UGT1A9: variants seen among roughly 807,000 people sequenced by gnomAD.
UGT1A9 encodes the protein UDP glucuronosyltransferase family 1 member A9.
In UGT1A9, 35 loss-of-function variants were observed where a neutral mutation model predicts 45.0. That is an observed-to-expected ratio of 0.78 (90% CI 0.59 to 1.03). UGT1A9 has a LOEUF of 1.03. Among genes scored for constraint, UGT1A9 ranks in the 50% least tolerant of loss-of-function variants. The probability of loss-of-function intolerance (pLI) is 0.00; values close to 1 mark genes in which losing one functional copy is unlikely to be tolerated. For missense variants in UGT1A9, 687 were observed against 666.6 expected (o/e 1.03, Z -0.34); for synonymous variants, 278 against 250.6 (o/e 1.11, Z -1.03).
chr2:233,700,907 G>A (rs985233948), intron 1 of UGT1A9, among the ~76,000 whole-genome samples: 6 of 151,214 alleles, frequency 4.0e-5, no homozygotes, highest in Non-Finnish European at 7.4e-5. Flanking sequence ...GGTGTGTGAC[G>A]TTCCTCTTCC....
At chr2:233,739,813 T>G (rs1439144869) in intron 1 of UGT1A9, among the ~76,000 whole-genome samples, 1 of 151,900 alleles carries the variant, frequency 6.6e-6, no homozygotes, top group Non-Finnish European at 1.5e-5. Context: ...GCATGATTGG[T>G]TTTTAAATGT....
chr2:233,695,308 T>C (rs1203314854), intron 1 of UGT1A9, among the ~76,000 whole-genome samples: 1 of 151,942 alleles, frequency 6.6e-6, no homozygotes, highest in Non-Finnish European at 1.5e-5. Context: ...GCATTTTTAG[T>C]AGAGGCGGGG....
intron 1 of UGT1A9, among the ~76,000 whole-genome samples, chr2:233,686,474 C>T (rs1370676461): frequency 6.6e-6 from 1 of 151,930 alleles, no homozygotes; most frequent in East Asian, 1.9e-4. Flanking sequence ...TTTTTCCTTT[C>T]CTATGAAACT....
At chr2:233,684,330 T>G (rs1255632996) in intron 1 of UGT1A9, among the ~76,000 whole-genome samples, 2 of 152,192 alleles carry the variant, frequency 1.3e-5, no homozygotes, top group Non-Finnish European at 2.9e-5. Context: ...TGTAGGACGC[T>G]AAGAGGATAG....
intron 1 of UGT1A9, among the ~76,000 whole-genome samples, chr2:233,765,833 T>G (rs532731627): frequency 6.6e-6 from 1 of 152,182 alleles, no homozygotes; most frequent in Admixed American, 6.5e-5. Flanking sequence ...ACAGGAAAAC[T>G]TTCCTTGTCC....
At position 233,698,306 on chromosome 2, in the gene UGT1A9, A is replaced by G. The variant is rs1425577629; in HGVS notation, c.855+25517A>G. On this transcript the variant is annotated intron_variant, in intron 1 of 4. Coordinates refer to ENST00000354728, the MANE Select transcript of UGT1A9 (RefSeq NM_021027.3). ...TGAAAAAAAATGTGTCTTTGGACAG[A>G]TGGAAATGTCTGGAACCAGATAGAG... 3.3e-5 allele frequency among the ~76,000 whole-genome samples: 5 copies of G among 152,386 alleles called. No homozygotes were observed. In the East Asian group the frequency reaches 9.6e-4, roughly 29 times the overall value.
rs373771428 is a variant in UGT1A9 at position 233,743,798 on chromosome 2, T to A, written c.856-23236T>A. The A allele has an allele frequency of 5.3e-5, 73 of 1,367,294 alleles. No homozygotes were observed. The East Asian group carries it at 1.4e-3, about 26-fold the overall frequency. 84.7% of individuals were successfully genotyped at this position (1,367,294 alleles called of 1,614,324 possible). A position where few individuals can be genotyped will look rare whatever the true frequency, so the allele number is the denominator to read the frequency against. On this transcript the variant is annotated intron_variant, in intron 1 of 4. Transcript: ENST00000354728. ...CTGCTTGAATCTCCTCTCCGCTTCC[T>A]CCTTGTTCTCAGGGTTTTTGTCGGG...
intron 1 of UGT1A9, among the ~76,000 whole-genome samples, chr2:233,751,100 G>A (rs895970679): frequency 2.6e-5 from 4 of 151,920 alleles, no homozygotes; most frequent in African/African-American, 9.7e-5. Context: ...GGAGGGCTTT[G>A]CCCTGCAAGC....
chr2:233,743,499 G>A (rs1692319680), intron 1 of UGT1A9: 1 of 1,367,148 alleles, frequency 7.3e-7, no homozygotes, highest in African/African-American at 1.5e-5. Context: ...CAGAGAAAAG[G>A]GGTGCAGACG....
chr2:233,695,574 C>T (rs1290586951), intron 1 of UGT1A9, among the ~76,000 whole-genome samples: 3 of 151,864 alleles, frequency 2.0e-5, no homozygotes, highest in Non-Finnish European at 4.4e-5. Context: ...ACCCCCCCTT[C>T]CCTACTTACC....
chr2:233,749,182 C>G (rs1694137335), intron 1 of UGT1A9, among the ~76,000 whole-genome samples: 1 of 151,722 alleles, frequency 6.6e-6, no homozygotes, highest in Admixed American at 6.6e-5. Flanking sequence ...TTCTGTACTT[C>G]TTTTTATTAA....
chr2:233,684,670 C>T (rs1575433301), intron 1 of UGT1A9, among the ~76,000 whole-genome samples: 1 of 151,890 alleles, frequency 6.6e-6, no homozygotes, highest in African/African-American at 2.4e-5. Flanking sequence ...AAGGAATATA[C>T]ATATGATAGG....
At chr2:233,690,776 TACAC>T (rs34459843) in intron 1 of UGT1A9, 316,428 of 1,034,224 alleles carry the variant, frequency 0.31, 30,806 homozygotes, top group South Asian at 0.36. Context: ...CACACACACA[TACAC>T]ACACACACAC....
chr2:233,691,765 G>A (rs1355793466), intron 1 of UGT1A9: 1 of 421,572 alleles, frequency 2.4e-6, no homozygotes, highest in Non-Finnish European at 3.2e-6. Flanking sequence ...TCCTGCTCTA[G>A]GATTCTCACC....
chr2:233,691,318 C>T lies in UGT1A9; in HGVS notation c.855+18529C>T, dbSNP rs28898575. 2.2e-3 allele frequency: 2,162 copies of T among 985,518 alleles called. 49 individuals are homozygous for T. In the African/African-American group the frequency reaches 0.035, roughly 16 times the overall value. The allele number at this position is 985,518 out of a possible 1,614,324, so 61.0% of individuals were successfully genotyped here. A position where few individuals can be genotyped will look rare whatever the true frequency, so the allele number is the denominator to read the frequency against. ...TGCCAATCCTCTTGGGAGGCTGCTC[C>T]CAGCTTGGACTGAGCTGAGTCTTCG... On this transcript the variant is annotated intron_variant, in intron 1 of 4. Coordinates refer to ENST00000354728, the MANE Select transcript of UGT1A9 (RefSeq NM_021027.3).
chr2:233,755,882 G>A (rs1696054394), intron 1 of UGT1A9: 2 of 152,208 alleles, frequency 1.3e-5, no homozygotes, highest in Non-Finnish European at 2.9e-5. Context: ...ACCTTTTTAT[G>A]TAACTTTTTT....
intron 1 of UGT1A9, among the ~76,000 whole-genome samples, chr2:233,675,110 T>A (rs991386462): frequency 1.3e-5 from 2 of 151,832 alleles, no homozygotes; most frequent in African/African-American, 2.4e-5. Flanking sequence ...TTCTTGAAGG[T>A]CTCCTGTAAC....
rs138794928 is a variant in UGT1A9, at chr2:233,747,227, C to T, written c.856-19807C>T. 1.0e-2 allele frequency: 16,041 copies of T among 1,605,006 alleles called. 99 individuals are homozygous for T. The highest frequency in any genetic ancestry group is 0.012 in the Non-Finnish European group (14,233 of 1,175,294). On this transcript the variant is annotated intron_variant, in intron 1 of 4. Transcript: ENST00000354728. ...TCTTCTGCTGAGATGGCCACAGGACCCCAGGTTCCCCTGCTGTGGCTGGCC... is the reference window on the plus strand; with the variant it reads ...TCTTCTGCTGAGATGGCCACAGGACTCCAGGTTCCCCTGCTGTGGCTGGCC...
Position 233,672,274 on chromosome 2 carries a change from A to G in UGT1A9, c.340A>G (p.Asn114Asp). 6.2e-7 allele frequency: 1 copy of G among 1,614,062 alleles called. No individual in the cohort carries two copies. Among genetic ancestry groups the G allele is most frequent in the Non-Finnish European group, 8.5e-7 (1 of 1,179,976 alleles). The change falls in exon 1 of 5, where the codon AAT (asparagine) becomes GAT (aspartate). Residue 114 changes from asparagine to aspartate, a missense_variant. Transcript: ENST00000354728. ...ATATTCTCTATTAATGGGTTCATACAATGACATTTTTGACTTATTTTTTTC... is the reference window on the plus strand; with the variant it reads ...ATATTCTCTATTAATGGGTTCATACGATGACATTTTTGACTTATTTTTTTC... ...SIYSLLMGSY[N>D]DIFDLFFSNC... is the part of the protein sequence containing the mutation.
Sources: allele counts gnomAD v4.1 joint callset (sites outside exome capture counted in the v4.1 genomes callset), GRCh38; gene constraint gnomAD v4.1.1; transcripts MANE v1.5; gene names NCBI Gene and HGNC (gene_info 2026-07-23, HGNC 2026-07-21).